GNAS: variants seen among roughly 807,000 people sequenced by gnomAD.
The protein encoded by GNAS is GNAS complex locus.
Under a neutral mutation model 54.5 loss-of-function variants are expected in GNAS, and 8 were observed. The ratio of observed to expected loss-of-function variants is 0.15; its 90% CI spans 0.09 to 0.26. The LOEUF is 0.26. Among genes scored for constraint, GNAS ranks in the 10% least tolerant of loss-of-function variants. The probability of loss-of-function intolerance (pLI) is 1.00; values close to 1 mark genes in which losing one functional copy is unlikely to be tolerated. For synonymous variants in GNAS, 204 were observed against 191.4 expected (o/e 1.07, Z -0.54); for missense variants, 170 against 529.8 (o/e 0.32, Z 6.67).
At chr20:58,889,390 C>G, upstream of GNAS, 1 of 983,202 alleles carries the variant, frequency 1.0e-6, no homozygotes, top group Non-Finnish European at 1.2e-6. Flanking sequence ...CGCGGAAGTG[C>G]GAGTCGCCCG....
chr20:58,868,898 G>A (rs2087242624), intron 1 of GNAS, among the ~76,000 whole-genome samples: 1 of 152,124 alleles, frequency 6.6e-6, no homozygotes, highest in Non-Finnish European at 1.5e-5. Flanking sequence ...GGCAGATGGC[G>A]CTCGGCTTTT....
chr20:58,875,235 G>A (rs565333044), intron 1 of GNAS, among the ~76,000 whole-genome samples: 17 of 152,234 alleles, frequency 1.1e-4, no homozygotes, highest in African/African-American at 3.6e-4. Context: ...TGTGTTCTGG[G>A]TGATCGTGGA....
chr20:58,854,590 A>G, intron 1 of GNAS: 1 of 1,541,652 alleles, frequency 6.5e-7, no homozygotes, highest in South Asian at 1.2e-5. Flanking sequence ...GCCGATCCCG[A>G]CTCCGGGGCG....
intron 6 of GNAS, among the ~76,000 whole-genome samples, chr20:58,907,149 T>A (rs1255543723): frequency 6.6e-6 from 1 of 152,184 alleles, no homozygotes; most frequent in Non-Finnish European, 1.5e-5. Flanking sequence ...ATACTGTTCA[T>A]CTATAAATCA....
chr20:58,870,469 A>G (rs2087368261), intron 1 of GNAS, among the ~76,000 whole-genome samples: 1 of 152,214 alleles, frequency 6.6e-6, no homozygotes, highest in Non-Finnish European at 1.5e-5. Context: ...ACCAGAGGTC[A>G]GCAGAGAGCT....
intron 1 of GNAS, among the ~76,000 whole-genome samples, chr20:58,879,178 A>G (rs1364544727): frequency 6.6e-6 from 1 of 152,222 alleles, no homozygotes; most frequent in Non-Finnish European, 1.5e-5. Context: ...ATATTGTTTG[A>G]GATTAGATAG....
intron 1 of GNAS, among the ~76,000 whole-genome samples, chr20:58,879,839 T>C (rs191693608): frequency 1.1e-3 from 162 of 152,284 alleles, no homozygotes; most frequent in African/African-American, 3.6e-3. Flanking sequence ...TCTTAGAATT[T>C]AGAGGAAGCT....
chr20:58,898,650 G>A, intron 2 of GNAS: 2 of 549,544 alleles, frequency 3.6e-6, no homozygotes, highest in Non-Finnish European at 6.5e-6. Context: ...TTTAGTGAAA[G>A]CACAAGAAAA....
rs1218011584 is a variant in GNAS at position 58,841,191 on chromosome 20, A to C, written c.43+305A>C. Among the ~76,000 whole-genome samples, 1 of 152,128 alleles carries C rather than the reference A, an allele frequency of 6.6e-6. No individual in the cohort carries two copies. Among genetic ancestry groups the C allele is most frequent in the Non-Finnish European group, 1.5e-5 (1 of 68,032 alleles). Reference sequence around the variant, plus strand: ...CGCGACTGAATCCCGAACGCACCCCAGATTTGGAGCTGCACACCCAAACGG... The same window carrying C: ...CGCGACTGAATCCCGAACGCACCCCCGATTTGGAGCTGCACACCCAAACGG... On this transcript the variant is annotated intron_variant, in intron 1 of 12. Transcript: ENST00000306090. This position sits in a 1 kb window ranked among gnomAD's most constrained non-coding sequence, Gnocchi z 5.0.
chr20:58,903,701 G>GC lies in GNAS; in HGVS notation c.348dup (p.Val117ArgfsTer23), dbSNP rs2090848106. On this transcript the variant is annotated frameshift_variant, in exon 5 of 13. Transcript: ENST00000371085. LOFTEE classifies it high-confidence loss of function. ...TTGTGGCCGCCATGAGCAACCTGGT[G>GC]CCCCCCGTGGAGCTGGCCAACCCCG... 1.9e-6 allele frequency: 3 copies of GC among 1,613,860 alleles called. No homozygotes were observed. The highest frequency in any genetic ancestry group is 2.5e-6 in the Non-Finnish European group (3 of 1,179,876).
In GNAS at chr20:58,891,492, C is replaced by G. The variant is rs906128026; in HGVS notation, c.-235C>G. 1 of 967,384 alleles carries G rather than the reference C, an allele frequency of 1.0e-6. No individual in the cohort carries two copies. Among genetic ancestry groups the G allele is most frequent in the Admixed American group, 6.3e-5 (1 of 15,786 alleles). The allele number at this position is 967,384 out of a possible 1,614,324, so 59.9% of individuals were successfully genotyped here. ...GCCATCAGCCCCCTCGGCCTCGGCT[C>G]GAGGGGCGGGGAGCTGCGCGCGCCC... On this transcript the variant is annotated 5_prime_UTR_variant, in exon 1 of 13. Transcript: ENST00000371085.
chr20:58,909,137 C>T lies in GNAS; in HGVS notation c.531-25C>T. On this transcript the variant is annotated intron_variant, in intron 6 of 12. Coordinates refer to ENST00000371085, the MANE Select transcript of GNAS (RefSeq NM_000516.7). The surrounding 1 kb of genome is among the most constrained non-coding windows in gnomAD (Gnocchi z 7.3). ...AATTGATGTGAGCGCTGTGAACACC[C>T]CACGTGTCTTTCTTTTTCTCCCAGC... 2 of 1,607,388 alleles carry T rather than the reference C, an allele frequency of 1.2e-6. No homozygotes were observed. The highest frequency in any genetic ancestry group is 1.7e-6 in the Non-Finnish European group (2 of 1,173,926).
chr20:58,843,672 T>C (rs1453465359), intron 1 of GNAS, among the ~76,000 whole-genome samples: 1 of 152,208 alleles, frequency 6.6e-6, no homozygotes, highest in Non-Finnish European at 1.5e-5. Flanking sequence ...AGCAGGAGAA[T>C]AAAGCTAGCT....
At chr20:58,901,499 C>A (rs751458295) in intron 3 of GNAS, among the ~76,000 whole-genome samples, 1 of 152,104 alleles carries the variant, frequency 6.6e-6, no homozygotes, top group Non-Finnish European at 1.5e-5. Flanking sequence ...TGAGATTCTC[C>A]GGACCTGCAG....
chr20:58,841,251 C>T lies in GNAS; in HGVS notation c.43+365C>T, dbSNP rs777697221. 4.5e-5 allele frequency: 43 copies of T among 959,958 alleles called. No homozygotes were observed. The highest frequency in any genetic ancestry group is 5.3e-5 in the Non-Finnish European group (41 of 768,248). 59.5% of individuals were successfully genotyped at this position (959,958 alleles called of 1,614,324 possible). A position where few individuals can be genotyped will look rare whatever the true frequency, so the allele number is the denominator to read the frequency against. The stretch of plus-strand genomic sequence containing the variant: ...GTCACTTGTTTTGCGCGCTTTTCTT[C>T]CTCCTAGAAAGACTAGTCTCAAATA... On this transcript the variant is annotated intron_variant, in intron 1 of 12. Transcript: ENST00000306090. This position sits in a 1 kb window ranked among gnomAD's most constrained non-coding sequence, Gnocchi z 5.0.
intron 1 of GNAS, chr20:58,854,821 C>A: frequency 6.3e-7 from 1 of 1,591,662 alleles, no homozygotes; most frequent in African/African-American, 1.3e-5. Flanking sequence ...GCAGCCCCTG[C>A]CTCCGGGGCC....
rs542975094 is a variant in GNAS, at chr20:58,875,728, C to T, written c.44-19884C>T. ...AGTGGCAGTCAGGTTCAGATCGTAG[C>T]CTTCAGGGTGCCTGACTCATTCCGG... is the stretch of plus-strand genomic sequence containing the variant. On this transcript the variant is annotated intron_variant, in intron 1 of 12. Transcript: ENST00000306090. 2.6e-5 allele frequency among the ~76,000 whole-genome samples: 4 copies of T among 152,358 alleles called. No homozygotes were observed. The East Asian group carries it at 7.7e-4, about 29-fold the overall frequency.
At chr20:58,889,022 C>G, upstream of GNAS, 3 of 978,710 alleles carry the variant, frequency 3.1e-6, no homozygotes, top group Non-Finnish European at 3.6e-6. Context: ...GCCTGCACCC[C>G]CAGGGTGCGC....
intron 1 of GNAS, chr20:58,855,930 T>C (rs1480729479): frequency 1.0e-5 from 4 of 393,882 alleles, no homozygotes; most frequent in African/African-American, 2.0e-5. Context: ...GTTTGCGCCA[T>C]GGCCCGGGCA....
Sources: gnomAD v4.1 joint callset for allele counts (sites outside exome capture counted in the v4.1 genomes callset) on GRCh38, gnomAD v4.1.1 for gene constraint, Gnocchi (gnomAD v3.1) non-coding constraint, MANE v1.5 for transcripts, NCBI Gene and HGNC (gene_info 2026-07-23, HGNC 2026-07-21) for gene names.